EIF2D: variants seen among roughly 807,000 people sequenced by gnomAD.
EIF2D encodes eukaryotic translation initiation factor 2D.
Under a neutral mutation model 77.4 loss-of-function variants are expected in EIF2D, and 56 were observed. The observed-to-expected ratio is 0.72, with a 90% confidence interval of 0.58 to 0.90. The LOEUF is 0.90. EIF2D is among the 40% of genes least tolerant of loss of function. The pLI, the probability that EIF2D is intolerant of heterozygous loss-of-function variation, is 0.00. For synonymous variants in EIF2D, 230 were observed against 271.0 expected (o/e 0.85, Z 1.49); for missense variants, 574 against 706.5 (o/e 0.81, Z 2.13).
rs1047180450 is a variant in EIF2D, at chr1:206,584,375, C to T, written c.139-3213G>A. Reference sequence around the variant, plus strand: ...ACGGCCCTGACCCCCTGTGACATGCCCCCGCTGGCAGAGTGAAGACGGCAC... The same window carrying T: ...ACGGCCCTGACCCCCTGTGACATGCTCCCGCTGGCAGAGTGAAGACGGCAC... On this transcript the variant is annotated intron_variant and NMD_transcript_variant, in intron 2 of 5. Coordinates refer to the EIF2D transcript ENST00000472709. The surrounding 1 kb of genome is among the most constrained non-coding windows in gnomAD (Gnocchi z 4.9). 1.2e-6 allele frequency: 2 copies of T among 1,601,372 alleles called. No individual in the cohort carries two copies. Among genetic ancestry groups the T allele is most frequent in the Non-Finnish European group, 1.7e-6 (2 of 1,172,846 alleles).
chr1:206,597,111 A>G lies in EIF2D; in HGVS notation c.1377T>C (p.Ser459=), dbSNP rs113368228. 1 of 1,613,914 alleles carries G rather than the reference A, an allele frequency of 6.2e-7. No homozygotes were observed. The highest frequency in any genetic ancestry group is 8.5e-7 in the Non-Finnish European group (1 of 1,179,838). The part of the protein sequence containing the change: ...QHTVMKLPWD[S]LLTRCLEKLQ... ...CCAATGCTCGTTACCTGGTCAGAAG[A>G]CTGTCCCATGGAAGCTTCATGACTG... Residue 459 remains serine (S), a synonymous_variant, in exon 12 of 15, where the codon AGT becomes AGC. Coordinates refer to ENST00000271764, the MANE Select transcript of EIF2D (RefSeq NM_006893.3).
intron 4 of EIF2D, among the ~76,000 whole-genome samples, chr1:206,578,570 G>C (rs1668745727): frequency 6.6e-6 from 1 of 152,124 alleles, no homozygotes; most frequent in South Asian, 2.1e-4. Context: ...TGGGCCAGAA[G>C]GAGGAAAGAC....
In EIF2D at chr1:206,579,486, C is replaced by T. The variant is rs537178168; in HGVS notation, c.*254+1206G>A. Among the ~76,000 whole-genome samples the T allele has an allele frequency of 2.9e-4, 44 of 152,288 alleles. No homozygotes were observed. Among genetic ancestry groups the T allele is most frequent in the African/African-American group, 9.9e-4 (41 of 41,564 alleles). On this transcript the variant is annotated intron_variant and NMD_transcript_variant, in intron 4 of 5. Coordinates refer to the EIF2D transcript ENST00000472709. This position sits in a 1 kb window ranked among gnomAD's most constrained non-coding sequence, Gnocchi z 4.2. Reference sequence around the variant, plus strand: ...CTGAAGATTGCTATAGTATCGATCTCGCTCTCATGGCAGATAGTGCCTGTT... The same window carrying T: ...CTGAAGATTGCTATAGTATCGATCTTGCTCTCATGGCAGATAGTGCCTGTT...
chr1:206,604,947 G>T (rs1005069858), intron 5 of EIF2D: 1 of 152,460 alleles, frequency 6.6e-6, no homozygotes, highest in African/African-American at 2.4e-5. Flanking sequence ...ACTTTCATGA[G>T]GAGGAGGAGT....
rs538352601 is a variant in EIF2D, at chr1:206,602,174, A to G, written c.902+162T>C. The G allele has an allele frequency of 5.4e-6, 3 of 550,672 alleles. No homozygotes were observed. The South Asian group carries it at 7.7e-5, about 14-fold the overall frequency. 34.1% of individuals were successfully genotyped at this position (550,672 alleles called of 1,614,324 possible). A position where few individuals can be genotyped will look rare whatever the true frequency, so the allele number is the denominator to read the frequency against. ...CCAGCAAGCTAAGAATTAACTTTTT[A>G]GAACCCAGGAACTAATGTATTTGTC... On this transcript the variant is annotated intron_variant, in intron 7 of 14. Transcript: ENST00000271764.
At chr1:206,594,077 C>T in intron 13 of EIF2D, 1 of 241,558 alleles carries the variant, frequency 4.1e-6, no homozygotes, top group Non-Finnish European at 8.0e-6. Context: ...GAATTCAAAA[C>T]ATAAATGAAA....
intron 14 of EIF2D, 113 bp downstream of exon 14, chr1:206,593,506 A>AGTGTGTGTGTGCGCGT: frequency 2.9e-5 from 13 of 441,274 alleles, no homozygotes; most frequent in Non-Finnish European, 3.6e-5. Flanking sequence ...AGAGAGAGAG[A>AGTGTGTGTGTGCGCGT]GAGTGTGTGT....
At chr1:206,569,522 G>A (rs1668382990), downstream of EIF2D, among the ~76,000 whole-genome samples, 1 of 152,240 alleles carries the variant, frequency 6.6e-6, no homozygotes, top group Admixed American at 6.5e-5. Context: ...CATTAAAGGA[G>A]ATTCTCTACA....
At chr1:206,598,023 TG>T (rs1470157386) in intron 11 of EIF2D, among the ~76,000 whole-genome samples, 6 of 152,126 alleles carry the variant, frequency 3.9e-5, no homozygotes, top group Non-Finnish European at 7.4e-5. Context: ...ATCATGATGA[TG>T]TTTTTTTAAA....
intron 12 of EIF2D, among the ~76,000 whole-genome samples, chr1:206,596,204 A>T: frequency 6.6e-6 from 1 of 152,208 alleles, no homozygotes; most frequent in East Asian, 1.9e-4. Context: ...TAAGTGGCCC[A>T]TTGCCTGCGA....
In EIF2D at chr1:206,602,366, G is replaced by C. The variant is rs1553411473; in HGVS notation, c.872C>G (p.Thr291Ser). The part of the protein sequence containing the change: ...KKADLPLLTS[T>S]FLGSHMFSCC... ...GGAGAACATGTGGCTGCCAAGGAAA[G>C]TGCTGGTGAGTAAAGGGAGGTCAGC... Residue 291 changes from threonine (T) to serine (S), a missense_variant, in exon 7 of 15, where the codon ACT becomes AGT. Thr to Ser is a moderately conservative substitution (Grantham distance 58). Transcript: ENST00000271764. 1.2e-6 allele frequency: 2 copies of C among 1,614,226 alleles called. No homozygotes were observed. Among genetic ancestry groups the C allele is most frequent in the Non-Finnish European group, 1.7e-6 (2 of 1,180,032 alleles).
chr1:206,570,133 C>T (rs1159102358), downstream of EIF2D, among the ~76,000 whole-genome samples: 1 of 141,348 alleles, frequency 7.1e-6, no homozygotes, highest in African/African-American at 2.7e-5. Context: ...AATCTGTCAC[C>T]CAGGCTGGAG....
At chr1:206,586,777 C>G, downstream of EIF2D, 1 of 1,484,152 alleles carries the variant, frequency 6.7e-7, no homozygotes, top group Non-Finnish European at 9.3e-7. Context: ...CAACTTCTAA[C>G]CTGTCTCCTA....
At chr1:206,569,709 C>T (rs542979921), downstream of EIF2D, among the ~76,000 whole-genome samples, 5 of 152,232 alleles carry the variant, frequency 3.3e-5, no homozygotes, top group African/African-American at 1.2e-4. Flanking sequence ...CCTTCCTGAT[C>T]TCTGAGCACA....
chr1:206,604,368 G>A (rs1464880187), intron 5 of EIF2D, among the ~76,000 whole-genome samples: 1 of 151,844 alleles, frequency 6.6e-6, no homozygotes, highest in Non-Finnish European at 1.5e-5. Flanking sequence ...CACTTGAACC[G>A]AGAGGCAGAG....
At chr1:206,598,474 AGTAAG>A (rs1352471935) in intron 11 of EIF2D, among the ~76,000 whole-genome samples, 2 of 152,226 alleles carry the variant, frequency 1.3e-5, no homozygotes, top group Non-Finnish European at 2.9e-5. Context: ...TTGAGAGCAG[AGTAAG>A]GTGACTGTAG....
intron 1 of EIF2D, 46 bp downstream of exon 1, chr1:206,612,241 G>C: frequency 6.2e-7 from 1 of 1,612,780 alleles, no homozygotes; most frequent in Non-Finnish European, 8.5e-7. Context: ...GGGCCCAAGA[G>C]GTGTCTGGTT....
chr1:206,570,052 T>C (rs1195457084), downstream of EIF2D, among the ~76,000 whole-genome samples: 1 of 150,822 alleles, frequency 6.6e-6, no homozygotes, highest in Admixed American at 6.6e-5. Flanking sequence ...TTTATTGTGG[T>C]AAAATACACA....
chr1:206,593,510 T>TGTGTGTGTGTGC (rs1558530403), intron 14 of EIF2D, 109 bp downstream of exon 14: 7 of 294,860 alleles, frequency 2.4e-5, no homozygotes, highest in African/African-American at 8.8e-5. Flanking sequence ...AGAGAGAGAG[T>TGTGTGTGTGTGC]GTGTGTGTGT....
Sources: allele counts gnomAD v4.1 joint callset (sites outside exome capture counted in the v4.1 genomes callset), GRCh38; gene constraint gnomAD v4.1.1; non-coding constraint Gnocchi (gnomAD v3.1); transcripts MANE v1.5; gene names NCBI Gene and HGNC (gene_info 2026-07-23, HGNC 2026-07-21).